Variants in TGFBR3 observed in about 807,000 individuals in gnomAD.
The protein encoded by TGFBR3 is transforming growth factor beta receptor 3.
In TGFBR3, 46 loss-of-function variants were observed where a neutral mutation model predicts 87.9. The observed-to-expected ratio is 0.52, with a 90% CI of 0.41 to 0.67. The LOEUF is 0.67. TGFBR3 is among the 30% of genes least tolerant of loss of function. The pLI is 0.00. For missense variants in TGFBR3, 866 were observed against 1,041.9 expected, an observed-to-expected ratio of 0.83 and a Z score of 2.32; for synonymous variants, 381 against 391.6, an observed-to-expected ratio of 0.97 and a Z score of 0.32.
In TGFBR3 at chr1:91,727,841, A is replaced by C. The variant is rs1465108893; in HGVS notation, c.738-35T>G. On this transcript the variant is annotated intron_variant, in intron 6 of 16. Transcript: ENST00000212355. ...GAAGACAAAGGCAAAGTTAAGACCT[A>C]CATGCCAGAAAGTTGCAACTATCTC... 1.9e-6 allele frequency: 3 copies of C among 1,612,254 alleles called. No homozygotes were observed. The East Asian group carries it at 6.7e-5, about 36-fold the overall frequency.
intron 4 of TGFBR3, among the ~76,000 whole-genome samples, chr1:91,750,848 G>A (rs1673515476): frequency 6.6e-6 from 1 of 152,176 alleles, no homozygotes; most frequent in South Asian, 2.1e-4. Context: ...ACCTCATGCA[G>A]GAAGCTGCCT....
chr1:91,904,690 G>C (rs1679806804), intron 1 of TGFBR3, among the ~76,000 whole-genome samples: 1 of 151,350 alleles, frequency 6.6e-6, no homozygotes, highest in Non-Finnish European at 1.5e-5. Context: ...TCAGCCTCCT[G>C]AGTAGCTGGG....
At chr1:91,879,628 T>C (rs780284501) in intron 1 of TGFBR3, among the ~76,000 whole-genome samples, 6 of 152,180 alleles carry the variant, frequency 3.9e-5, no homozygotes, top group African/African-American at 7.2e-5. Context: ...CATGCAGAAT[T>C]TATATCAATG....
At chr1:91,806,352 A>T (rs572206359) in intron 2 of TGFBR3, among the ~76,000 whole-genome samples, 1 of 152,078 alleles carries the variant, frequency 6.6e-6, no homozygotes, top group Non-Finnish European at 1.5e-5. Context: ...CAGCTCCAAA[A>T]CTCGACAGAA....
At chr1:91,880,600 AAAAAAT>A (rs916078412) in intron 1 of TGFBR3, among the ~76,000 whole-genome samples, 7 of 152,238 alleles carry the variant, frequency 4.6e-5, no homozygotes, top group East Asian at 1.9e-4. Flanking sequence ...TCCGTCCCAA[AAAAAAT>A]AAAAATAAAA....
At chr1:91,787,721 G>A (rs1423951029) in intron 3 of TGFBR3, among the ~76,000 whole-genome samples, 1 of 152,168 alleles carries the variant, frequency 6.6e-6, no homozygotes, top group Non-Finnish European at 1.5e-5. Flanking sequence ...ACGCCTGTAA[G>A]CTCAGCACTT....
At chr1:91,692,470 T>A (rs1057270860) in intron 16 of TGFBR3, among the ~76,000 whole-genome samples, 2 of 152,016 alleles carry the variant, frequency 1.3e-5, no homozygotes, top group Non-Finnish European at 2.9e-5. Context: ...GCTAAAAAGT[T>A]TTACTAGAAA....
chr1:91,714,511 G>T (rs370571847), intron 12 of TGFBR3, among the ~76,000 whole-genome samples: 3 of 151,902 alleles, frequency 2.0e-5, no homozygotes, highest in African/African-American at 7.3e-5. Flanking sequence ...AGAAATATAG[G>T]TGATATATGA....
intron 2 of TGFBR3, among the ~76,000 whole-genome samples, chr1:91,829,602 C>T (rs1057422795): frequency 6.6e-6 from 1 of 152,110 alleles, no homozygotes; most frequent in Admixed American, 6.5e-5. Flanking sequence ...TCAAAGTGTG[C>T]TCCAAGATGA....
At chr1:91,704,553 T>C (rs1671730507) in intron 14 of TGFBR3, among the ~76,000 whole-genome samples, 1 of 152,134 alleles carries the variant, frequency 6.6e-6, no homozygotes, top group Non-Finnish European at 1.5e-5. Context: ...GGCCAAGTTA[T>C]CACTATACAG....
At chr1:91,717,423 G>A (rs1021877957) in intron 10 of TGFBR3, among the ~76,000 whole-genome samples, 4 of 151,774 alleles carry the variant, frequency 2.6e-5, no homozygotes, top group East Asian at 1.9e-4. Context: ...CACCTTTTTC[G>A]CTATCCACCT....
chr1:91,792,887 G>C (rs966499789), intron 3 of TGFBR3, among the ~76,000 whole-genome samples: 2 of 152,220 alleles, frequency 1.3e-5, no homozygotes, highest in Non-Finnish European at 2.9e-5. Flanking sequence ...TTGCCAGAAA[G>C]TCATTTTCCA....
At chr1:91,823,582 T>C (rs934327617) in intron 2 of TGFBR3, among the ~76,000 whole-genome samples, 1 of 152,186 alleles carries the variant, frequency 6.6e-6, no homozygotes, top group African/African-American at 2.4e-5. Flanking sequence ...TGGCTGTTGA[T>C]TCTCAAAAAC....
chr1:91,776,230 A>C (rs1275936774), intron 3 of TGFBR3, among the ~76,000 whole-genome samples: 1 of 152,258 alleles, frequency 6.6e-6, no homozygotes, highest in Non-Finnish European at 1.5e-5. Context: ...GGAGCAAGGG[A>C]GAACTCACTA....
intron 1 of TGFBR3, among the ~76,000 whole-genome samples, chr1:91,877,360 C>T (rs1255722361): frequency 6.6e-6 from 1 of 152,024 alleles, no homozygotes; most frequent in Non-Finnish European, 1.5e-5. Flanking sequence ...CAAGGTCTCA[C>T]TCTGTCACCC....
intron 1 of TGFBR3, 58 bp from the exon 2 acceptor site, chr1:91,861,702 A>G (rs920178376): frequency 3.0e-6 from 2 of 664,416 alleles, no homozygotes; most frequent in Non-Finnish European, 5.6e-6. Context: ...ACAAACAGAC[A>G]CTAAAATTAA....
At chr1:91,699,028 C>T (rs533674715) in intron 14 of TGFBR3, among the ~76,000 whole-genome samples, 6 of 151,796 alleles carry the variant, frequency 4.0e-5, no homozygotes, top group Non-Finnish European at 5.9e-5. Flanking sequence ...TGTTATAACC[C>T]TGACTAAACC....
intron 2 of TGFBR3, among the ~76,000 whole-genome samples, chr1:91,827,782 TAAC>T (rs1311791744): frequency 6.6e-6 from 1 of 152,152 alleles, no homozygotes; most frequent in East Asian, 1.9e-4. Flanking sequence ...GCCAACCTGT[TAAC>T]AACAATAATA....
At chr1:91,700,825 C>T (rs1428900151) in intron 14 of TGFBR3, among the ~76,000 whole-genome samples, 1 of 152,158 alleles carries the variant, frequency 6.6e-6, no homozygotes, top group South Asian at 2.1e-4. Context: ...CTTATATTGT[C>T]TCATTTTAAA....
Sources: gnomAD v4.1 joint callset for allele counts (sites outside exome capture counted in the v4.1 genomes callset) on GRCh38, gnomAD v4.1.1 for gene constraint, MANE v1.5 for transcripts, NCBI Gene and HGNC (gene_info 2026-07-23, HGNC 2026-07-21) for gene names.